LARS1: variants seen among roughly 807,000 people sequenced by gnomAD.
LARS1 encodes the protein leucine--tRNA ligase, cytoplasmic.
LARS1 carries 100 observed loss-of-function variants against 162.8 expected under a neutral mutation model. That is an observed-to-expected ratio of 0.61 (90% CI 0.52 to 0.73). LARS1 has a LOEUF of 0.73. Among genes scored for constraint, LARS1 ranks in the 30% least tolerant of loss-of-function variants. The pLI, the probability that LARS1 is intolerant of heterozygous loss-of-function variation, is 0.00. For synonymous variants in LARS1, 457 were observed against 462.8 expected (o/e 0.99, Z 0.16); for missense variants, 1,258 against 1,408.9 (o/e 0.89, Z 1.71).
At chr5:146,138,844 AC>A in intron 21 of LARS1, 1 of 250,860 alleles carries the variant, frequency 4.0e-6, no homozygotes, top group South Asian at 5.0e-5. Context: ...AAAGAACCAG[AC>A]GGTGACTCCT....
chr5:146,139,865 T>C (rs1401450343), intron 21 of LARS1, among the ~76,000 whole-genome samples: 17 of 79,604 alleles, frequency 2.1e-4, no homozygotes, highest in African/African-American at 8.3e-4. Flanking sequence ...ACAGCGAGAC[T>C]CCGTCTCAAA....
At chr5:146,179,122 C>T (rs2126613385) in intron 1 of LARS1, among the ~76,000 whole-genome samples, 1 of 152,230 alleles carries the variant, frequency 6.6e-6, no homozygotes, top group Non-Finnish European at 1.5e-5. Flanking sequence ...ATCTCAGCTA[C>T]TCGGGAGGCA....
chr5:146,130,613 A>G (rs17427691), intron 24 of LARS1: 39,439 of 173,016 alleles, frequency 0.23, 5,630 homozygotes, highest in Admixed American at 0.34. Flanking sequence ...TTTTACTTTA[A>G]GCACTTTAAA....
chr5:146,153,227 C>A lies in LARS1; in HGVS notation c.1231G>T (p.Ala411Ser). The A allele has an allele frequency of 6.2e-7, 1 of 1,611,846 alleles. No individual in the cohort carries two copies. The highest frequency in any genetic ancestry group is 8.5e-7 in the Non-Finnish European group (1 of 1,178,588). Reference protein sequence around the residue: ...AALRDLKKKQALRAKYGIRDD... With the variant: ...AALRDLKKKQSLRAKYGIRDD... ...CTAATTCCATATTTTGCTCGTAAGG[C>A]CTACAGAAAAATTTGCAAGTTAACA... Residue 411 changes from alanine to serine, a missense_variant and splice_region_variant, in exon 13 of 32, where the codon GCC becomes TCC. Transcript: ENST00000394434.
At chr5:146,179,092 T>C (rs564261042) in intron 1 of LARS1, among the ~76,000 whole-genome samples, 1 of 152,166 alleles carries the variant, frequency 6.6e-6, no homozygotes, top group East Asian at 1.9e-4. Context: ...ATTAGCCGGA[T>C]GCGTTGGCAT....
Position 146,128,727 on chromosome 5 carries a change from T to C in LARS1, c.2825A>G (p.Lys942Arg). 6.2e-7 allele frequency: 1 copy of C among 1,600,714 alleles called. No individual in the cohort carries two copies. The highest frequency in any genetic ancestry group is 8.5e-7 in the Non-Finnish European group (1 of 1,176,512). ...KPSHCTIYVA[K>R]NYPPWQHTTL... ...GGTATGTTGCCAAGGTGGATAGTTC[T>C]TTGCCACATAGATGGTGCAATGTGA... The change falls in exon 27 of 32, where the codon AAG becomes AGG. Residue 942 changes from lysine (K) to arginine (R), a missense_variant. By Grantham distance (26) the Lys-to-Arg change is conservative. Transcript: ENST00000394434.
intron 28 of LARS1, among the ~76,000 whole-genome samples, 185 bp downstream of exon 28, chr5:146,126,250 A>G (rs965379809): frequency 1.2e-4 from 19 of 152,008 alleles, no homozygotes; most frequent in Admixed American, 1.2e-3. Flanking sequence ...AATATTTTTC[A>G]CATACTCAGC....
chr5:146,148,535 G>A (rs997275006), intron 15 of LARS1, among the ~76,000 whole-genome samples: 1 of 152,156 alleles, frequency 6.6e-6, no homozygotes, highest in African/African-American at 2.4e-5. Context: ...TTATGGATAA[G>A]CCATGTCTCA....
rs1165618620 is a variant in LARS1 at position 146,120,502 on chromosome 5, G to A, written c.3194C>T (p.Pro1065Leu). The A allele has an allele frequency of 2.5e-6, 4 of 1,608,390 alleles. No individual in the cohort carries two copies. The highest frequency in any genetic ancestry group is 2.2e-5 in the South Asian group (2 of 89,952). ...ATTCACCAGAGAAACGGACACACCA[G>A]GCTAGGAAAACAACAAGAAAATGAT... Reference protein sequence around the residue: ...GKPLNVFRIEPGVSVSLVNPQ... With the variant: ...GKPLNVFRIELGVSVSLVNPQ... Residue 1065 changes from proline to leucine, a missense_variant and splice_region_variant, in exon 31 of 32, where the codon CCT becomes CTT. Physicochemically the swap from Pro to Leu is moderately conservative, Grantham distance 98 (BLOSUM62 -3). Transcript: ENST00000394434.
intron 29 of LARS1, 114 bp from the exon 30 acceptor site, chr5:146,122,701 C>A: frequency 2.0e-6 from 1 of 491,114 alleles, no homozygotes; most frequent in South Asian, 4.4e-5. Context: ...ATGAAATGGT[C>A]TGTGCAATTT....
intron 15 of LARS1, 50 bp downstream of exon 15, chr5:146,149,572 C>G: frequency 8.0e-7 from 1 of 1,253,254 alleles, no homozygotes; most frequent in Admixed American, 1.7e-5. Flanking sequence ...ACTGTCAAGT[C>G]TATTAACAGC....
chr5:146,171,460 T>G (rs749925250), intron 4 of LARS1, among the ~76,000 whole-genome samples: 2 of 152,242 alleles, frequency 1.3e-5, no homozygotes, highest in Non-Finnish European at 2.9e-5. Flanking sequence ...TCCTTTCAAC[T>G]CTAGTTTTCT....
chr5:146,153,392 C>G (rs1325208539), intron 12 of LARS1, among the ~76,000 whole-genome samples, 165 bp from the exon 13 acceptor site: 1 of 152,200 alleles, frequency 6.6e-6, no homozygotes, highest in Non-Finnish European at 1.5e-5. Context: ...CAAAAGGGAT[C>G]TGTAACCTTC....
At chr5:146,171,503 C>T (rs1040491405) in intron 4 of LARS1, among the ~76,000 whole-genome samples, 3 of 152,120 alleles carry the variant, frequency 2.0e-5, no homozygotes, top group African/African-American at 7.2e-5. Context: ...ATTTCTAATA[C>T]AAACTTATGA....
Position 146,149,635 on chromosome 5 carries a change from T to C in LARS1, c.1490A>G (p.Lys497Arg). Residue 497 changes from lysine to arginine, a missense_variant, in exon 15 of 32, where the codon AAG becomes AGG. Lys to Arg is a conservative substitution (Grantham distance 26, BLOSUM62 2). Coordinates refer to ENST00000394434, the MANE Select transcript of LARS1 (RefSeq NM_020117.11). ...CCTATCACATACAGCGTCAATCATCTTTTTCTGAATAGTCTTCTTTACATC... is the reference window on the plus strand; with the variant it reads ...CCTATCACATACAGCGTCAATCATCCTTTTCTGAATAGTCTTCTTTACATC... ...VQDVKKTIQK[K>R]MIDAGDALIY... The C allele has an allele frequency of 6.2e-7, 1 of 1,611,688 alleles. No homozygotes were observed. The highest frequency in any genetic ancestry group is 8.5e-7 in the Non-Finnish European group (1 of 1,177,896).
rs752961828 is a variant in LARS1, at chr5:146,168,259, C to T, written c.301G>A (p.Ala101Thr). Residue 101 changes from alanine (A) to threonine (T), a missense_variant, in exon 5 of 32, where the codon GCT (alanine) becomes ACT (threonine). Transcript: ENST00000394434. ...TCTATTTCTCTTTTCAACTTATCAGCACATGCCTACAACGAATATTAGAGA... is the reference window on the plus strand; with the variant it reads ...TCTATTTCTCTTTTCAACTTATCAGTACATGCCTACAACGAATATTAGAGA... ...HCTGMPIKAC[A>T]DKLKREIELY... The T allele has an allele frequency of 1.2e-6, 2 of 1,607,138 alleles. No homozygotes were observed. Among genetic ancestry groups the T allele is most frequent in the Admixed American group, 3.4e-5 (2 of 58,028 alleles).
Position 146,115,158 on chromosome 5 carries a change from G to A in LARS1, c.3326-847C>T, listed in dbSNP as rs952457546. Among the ~76,000 whole-genome samples, 8 of 151,696 alleles carry A rather than the reference G, an allele frequency of 5.3e-5. No homozygotes were observed. In the South Asian group the frequency reaches 1.7e-3, roughly 32 times the overall value. ...AGTGTCAGAGATTCTGACATCTCCT[G>A]GAATTACAAACTAAGAGAGAGAAAG... On this transcript the variant is annotated intron_variant, in intron 31 of 31. Coordinates refer to ENST00000394434, the MANE Select transcript of LARS1 (RefSeq NM_020117.11).
intron 20 of LARS1, among the ~76,000 whole-genome samples, chr5:146,141,469 T>C (rs1752773902): frequency 6.6e-6 from 1 of 152,192 alleles, no homozygotes; most frequent in East Asian, 1.9e-4. Context: ...AGAATACTTC[T>C]GAGATACCAA....
Position 146,149,615 on chromosome 5 carries a change from C to A in LARS1, c.1503+7G>T, listed in dbSNP as rs768716153. On this transcript the variant is annotated splice_region_variant and intron_variant, in intron 15 of 31. Coordinates refer to ENST00000394434, the MANE Select transcript of LARS1 (RefSeq NM_020117.11). ...AAACAGCCTTCAGAGCATAGCCTAT[C>A]ACATACAGCGTCAATCATCTTTTTC... 6.2e-7 allele frequency: 1 copy of A among 1,603,438 alleles called. No individual in the cohort carries two copies. Among genetic ancestry groups the A allele is most frequent in the South Asian group, 1.1e-5 (1 of 90,814 alleles).
Sources: gnomAD v4.1 joint callset for allele counts (sites outside exome capture counted in the v4.1 genomes callset) on GRCh38, gnomAD v4.1.1 for gene constraint, MANE v1.5 for transcripts, NCBI Gene and HGNC (gene_info 2026-07-23, HGNC 2026-07-21) for gene names.